CHD2: variants seen among roughly 807,000 people sequenced by gnomAD.
The protein encoded by CHD2 is chromodomain helicase DNA binding protein 2.
In CHD2, 28 loss-of-function variants were observed where a neutral mutation model predicts 243.9. The observed-to-expected ratio is 0.11, with a 90% CI of 0.09 to 0.16. The LOEUF is 0.16. CHD2 is among the 10% of genes least tolerant of loss of function. The probability of loss-of-function intolerance (pLI) is 1.00; values close to 1 mark genes in which losing one functional copy is unlikely to be tolerated. For missense variants in CHD2, 1,386 were observed against 2,209.8 expected (o/e 0.63, Z 7.47); for synonymous variants, 775 against 779.0 (o/e 0.99, Z 0.09).
At position 92,998,720 on chromosome 15, in the gene CHD2, A is replaced by C; in HGVS notation, c.4008+99A>C. ...AGGCCCTCTCTGAGCACTGCACAGA[A>C]TGTCACCTTCTCATGGGCATATTTT... On this transcript the variant is annotated intron_variant, in intron 31 of 38. Coordinates refer to ENST00000394196, the MANE Select transcript of CHD2 (RefSeq NM_001271.4). This position sits in a 1 kb window ranked among gnomAD's most constrained non-coding sequence, Gnocchi z 5.1. 1 of 1,373,196 alleles carries C rather than the reference A, an allele frequency of 7.3e-7. No individual in the cohort carries two copies. Among genetic ancestry groups the C allele is most frequent in the Non-Finnish European group, 9.9e-7 (1 of 1,006,740 alleles). 85.1% of individuals were successfully genotyped at this position (1,373,196 alleles called of 1,614,324 possible).
At chr15:92,980,123 C>T (rs1181200884) in intron 22 of CHD2, among the ~76,000 whole-genome samples, 2 of 151,696 alleles carry the variant, frequency 1.3e-5, no homozygotes, top group Non-Finnish European at 2.9e-5. Flanking sequence ...TGGCTCATTG[C>T]AACCTCTGTC....
intron 23 of CHD2, 43 bp downstream of exon 23, chr15:92,980,954 A>G: frequency 7.4e-7 from 1 of 1,344,792 alleles, no homozygotes; most frequent in Non-Finnish European, 1.1e-6. Flanking sequence ...GAGAAGTATG[A>G]TCTGTGAGAG....
intron 37 of CHD2, 141 bp downstream of exon 37, chr15:93,015,050 G>C (rs957966595): frequency 7.5e-5 from 53 of 702,712 alleles, no homozygotes; most frequent in Non-Finnish European, 1.2e-4. Context: ...TTCTTAATGA[G>C]AGAAAGCATG....
At chr15:92,994,760 C>CT (rs953878926) in intron 28 of CHD2, among the ~76,000 whole-genome samples, 2 of 152,172 alleles carry the variant, frequency 1.3e-5, no homozygotes, top group African/African-American at 2.4e-5. Flanking sequence ...TCTGTGCTTG[C>CT]TTTTTTATCT....
chr15:92,998,309 T>C lies in CHD2; in HGVS notation c.3886-190T>C, dbSNP rs532476640. Reference sequence around the variant, plus strand: ...GATTTCTCCATCCCATTTTGTAAAATGAGAACGGCTCGTGAGGGATTTTCA... The same window carrying C: ...GATTTCTCCATCCCATTTTGTAAAACGAGAACGGCTCGTGAGGGATTTTCA... On this transcript the variant is annotated intron_variant, in intron 30 of 38. Coordinates refer to ENST00000394196, the MANE Select transcript of CHD2 (RefSeq NM_001271.4). This position sits in a 1 kb window ranked among gnomAD's most constrained non-coding sequence, Gnocchi z 5.1. 73 of 1,325,930 alleles carry C rather than the reference T, an allele frequency of 5.5e-5. No individual in the cohort carries two copies. The highest frequency in any genetic ancestry group is 1.1e-4 in the East Asian group (4 of 35,728). The allele number at this position is 1,325,930 out of a possible 1,614,324, so 82.1% of individuals were successfully genotyped here.
intron 23 of CHD2, 123 bp from the exon 24 acceptor site, chr15:92,981,242 A>G (rs2053976454): frequency 4.6e-6 from 3 of 645,628 alleles, no homozygotes; most frequent in Non-Finnish European, 8.1e-6. Flanking sequence ...TAAATGAAAT[A>G]TCAGAAAGGA....
chr15:92,948,041 A>T (rs1223546272), intron 12 of CHD2, among the ~76,000 whole-genome samples: 1 of 152,164 alleles, frequency 6.6e-6, no homozygotes, highest in Non-Finnish European at 1.5e-5. Flanking sequence ...AAATTGTATA[A>T]CTTTTTGATC....
chr15:92,975,320 G>A (rs1290695695), intron 20 of CHD2, among the ~76,000 whole-genome samples: 2 of 152,138 alleles, frequency 1.3e-5, no homozygotes, highest in Non-Finnish European at 2.9e-5. Context: ...AAATATATTT[G>A]CCATGTCTCA....
At chr15:92,935,331 C>G (rs1446963315) in intron 5 of CHD2, among the ~76,000 whole-genome samples, 2 of 152,178 alleles carry the variant, frequency 1.3e-5, no homozygotes, top group Admixed American at 1.3e-4. Context: ...CCACCGCGCC[C>G]GACCTTTTTT....
chr15:92,983,663 T>G (rs3784786), intron 24 of CHD2, among the ~76,000 whole-genome samples: 34,465 of 152,208 alleles, frequency 0.23, 4,349 homozygotes, highest in Middle Eastern at 0.32. Flanking sequence ...TAGATGGCTT[T>G]CTTTCTGGGA....
chr15:92,913,669 T>G (rs997386779), intron 2 of CHD2, among the ~76,000 whole-genome samples: 1 of 152,134 alleles, frequency 6.6e-6, no homozygotes, highest in Non-Finnish European at 1.5e-5. Context: ...TTGGGCAATT[T>G]AGGGAGATGC....
At chr15:92,917,285 G>T (rs1260627646) in intron 2 of CHD2, among the ~76,000 whole-genome samples, 1 of 152,190 alleles carries the variant, frequency 6.6e-6, no homozygotes, top group African/African-American at 2.4e-5. Context: ...GTGGCCAGGC[G>T]CAGTGGCTCA....
chr15:92,978,180 G>C (rs756366312), intron 20 of CHD2, 54 bp from the exon 21 acceptor site: 32 of 1,609,204 alleles, frequency 2.0e-5, no homozygotes, highest in Non-Finnish European at 2.5e-5. Flanking sequence ...ATTGGACTGT[G>C]AAACTGTTTC....
chr15:92,900,640 T>TC lies in CHD2; in HGVS notation c.-255dup, dbSNP rs1410051349. 3 of 398,572 alleles carry TC rather than the reference T, an allele frequency of 7.5e-6. No individual in the cohort carries two copies. The highest frequency in any genetic ancestry group is 4.1e-5 in the African/African-American group (2 of 48,622). 24.7% of individuals were successfully genotyped at this position (398,572 alleles called of 1,614,324 possible). Reference sequence around the variant, plus strand: ...TGCGCTCTCCTAATGAGGTTTTTTTTCTTTCGGACCTGTTTTAGTATTAAT... The same window carrying TC: ...TGCGCTCTCCTAATGAGGTTTTTTTTCCTTTCGGACCTGTTTTAGTATTAAT... On this transcript the variant is annotated 5_prime_UTR_variant, in exon 1 of 39. The change creates a premature stop within an existing upstream ORF in the 5' untranslated region. Transcript: ENST00000394196.
intron 4 of CHD2, among the ~76,000 whole-genome samples, chr15:92,928,555 ATGT>A (rs977519356): frequency 2.0e-5 from 3 of 152,212 alleles, no homozygotes; most frequent in Non-Finnish European, 4.4e-5. Context: ...CACTGACTAA[ATGT>A]TGTGGCATTT....
In CHD2 at chr15:93,020,221, G is replaced by A; in HGVS notation, c.5116G>A (p.Asp1706Asn). 1 of 1,614,022 alleles carries A rather than the reference G, an allele frequency of 6.2e-7. No individual in the cohort carries two copies. Residue 1706 changes from aspartate (D) to asparagine (N), a missense_variant, in exon 38 of 39, where the codon GAC becomes AAC. By Grantham distance (23) the Asp-to-Asn change is conservative. This residue lies in a region of CHD2 where 347 missense variants were observed against 341.6 expected (regional missense o/e 1.02). Transcript: ENST00000394196. ...RKRPYDQYSS[D>N]RDHRGHRDYY... ...GAGGCCTTATGACCAGTACAGCAGT[G>A]ACCGAGACCACCGGGGACACAGAGA...
chr15:92,939,035 A>T (rs1036762034), intron 6 of CHD2, among the ~76,000 whole-genome samples: 1 of 138,882 alleles, frequency 7.2e-6, no homozygotes, highest in Non-Finnish European at 1.6e-5. Context: ...TCGTATTAGT[A>T]TACAAAAAAC....
chr15:92,908,086 G>C (rs2052655765), intron 2 of CHD2, among the ~76,000 whole-genome samples: 1 of 126,488 alleles, frequency 7.9e-6, no homozygotes, highest in Non-Finnish European at 1.6e-5. Flanking sequence ...ACAGCTTCTT[G>C]TGTGAATCAC....
intron 38 of CHD2, chr15:93,021,795 C>CT (rs779094875): frequency 2.0e-5 from 3 of 152,220 alleles, no homozygotes; most frequent in Non-Finnish European, 2.9e-5. Flanking sequence ...GTCTGCGAAT[C>CT]TTATCACTTG....
Sources: gnomAD v4.1 joint callset for allele counts (sites outside exome capture counted in the v4.1 genomes callset) on GRCh38, gnomAD v4.1.1 for gene constraint, gnomAD v4.1.1 regional missense constraint, Gnocchi (gnomAD v3.1) non-coding constraint, MANE v1.5 for transcripts, NCBI Gene and HGNC (gene_info 2026-07-23, HGNC 2026-07-21) for gene names.